The following CFH variants were observed in gnomAD, a reference collection of about 807,000 sequenced individuals.
The protein encoded by CFH is complement factor H.
In CFH, 53 loss-of-function variants were observed where a neutral mutation model predicts 147.3. That is an observed-to-expected ratio of 0.36 (90% CI 0.29 to 0.45). The LOEUF (loss-of-function observed/expected upper bound fraction) is 0.45. CFH is among the 20% of genes least tolerant of loss of function. The pLI is 1.00. For missense variants in CFH, 1,380 were observed against 1,498.0 expected, an observed-to-expected ratio of 0.92 and a Z score of 1.30; for synonymous variants, 536 against 489.4, an observed-to-expected ratio of 1.10 and a Z score of -1.26.
intron 1 of CFH, among the ~76,000 whole-genome samples, chr1:196,662,430 G>A (rs575353266): frequency 6.6e-6 from 1 of 152,126 alleles, no homozygotes; most frequent in South Asian, 2.1e-4. Flanking sequence ...TTATTTTATA[G>A]TCAGTATTCA....
intron 5 of CFH, chr1:196,678,251 G>A (rs1667524506): frequency 6.5e-6 from 1 of 153,416 alleles, no homozygotes; most frequent in East Asian, 1.9e-4. Flanking sequence ...ATAAATTGTT[G>A]CCTCTTAAAA....
chr1:196,657,827 GAAT>G (rs146964454), intron 1 of CFH, among the ~76,000 whole-genome samples: 6,765 of 151,990 alleles, frequency 0.045, 416 homozygotes, highest in African/African-American at 0.13. Flanking sequence ...TAGAAAAATA[GAAT>G]AATTGAACAA....
chr1:196,658,632 T>C (rs1158517085), intron 1 of CFH, among the ~76,000 whole-genome samples: 1 of 151,996 alleles, frequency 6.6e-6, no homozygotes, highest in African/African-American at 2.4e-5. Flanking sequence ...TTAGTCAGGA[T>C]GGTCTGGATC....
At chr1:196,703,400 G>T (rs2149097353) in intron 9 of CFH, among the ~76,000 whole-genome samples, 1 of 152,280 alleles carries the variant, frequency 6.6e-6, no homozygotes, top group South Asian at 2.1e-4. Context: ...TGGGATAGCT[G>T]GGGAGCTTGA....
intron 1 of CFH, among the ~76,000 whole-genome samples, chr1:196,667,345 T>C (rs1427629238): frequency 6.6e-6 from 1 of 152,198 alleles, no homozygotes; most frequent in Non-Finnish European, 1.5e-5. Context: ...TTGGCTCCTA[T>C]GAGTCAGTAT....
At chr1:196,699,819 TAAG>T in intron 9 of CFH, among the ~76,000 whole-genome samples, 1 of 152,302 alleles carries the variant, frequency 6.6e-6, no homozygotes, top group Middle Eastern at 3.4e-3. Flanking sequence ...TAAAAACAGT[TAAG>T]GAGGAAAAAG....
chr1:196,661,086 G>T (rs944822601), intron 1 of CFH, among the ~76,000 whole-genome samples: 2 of 152,100 alleles, frequency 1.3e-5, no homozygotes, highest in Non-Finnish European at 2.9e-5. Flanking sequence ...AGGGGCCGGG[G>T]ATTGTGTTGT....
chr1:196,721,872 G>T (rs1669007795), intron 11 of CFH, among the ~76,000 whole-genome samples: 1 of 150,556 alleles, frequency 6.6e-6, no homozygotes, highest in South Asian at 2.1e-4. Context: ...TATACCAAAT[G>T]CTTTTTGTTT....
intron 9 of CFH, 123 bp from the exon 10 acceptor site, chr1:196,713,611 CT>C: frequency 1.5e-6 from 1 of 664,060 alleles, no homozygotes. Context: ...TATTTGAATG[CT>C]TATGGTTATC....
intron 9 of CFH, among the ~76,000 whole-genome samples, chr1:196,702,796 A>G (rs964799470): frequency 1.3e-5 from 2 of 152,180 alleles, no homozygotes; most frequent in African/African-American, 4.8e-5. Context: ...AACCTTGAAC[A>G]CTATCAAAAC....
intron 1 of CFH, among the ~76,000 whole-genome samples, chr1:196,659,084 A>T (rs1473850919): frequency 7.0e-6 from 1 of 142,388 alleles, no homozygotes; most frequent in Non-Finnish European, 1.5e-5. Flanking sequence ...TTTTAAGATA[A>T]ATCACATCTC....
chr1:196,692,876 C>CACCTACCTACCTACCT (rs1425200451), intron 9 of CFH, among the ~76,000 whole-genome samples: 422 of 26,382 alleles, frequency 0.016, 49 homozygotes, highest in African/African-American at 0.11. Context: ...CTCCCTCTGT[C>CACCTACCTACCTACCT]ACCTCCCTCC....
rs3766403 is a variant in CFH at position 196,677,432 on chromosome 1, A to T, written c.428-44A>T. ...TACATACACATATTTTTCACAATAAACTTTTAAAATTCCATTAGAAAACAT... is the reference window on the plus strand; with the variant it reads ...TACATACACATATTTTTCACAATAATCTTTTAAAATTCCATTAGAAAACAT... On this transcript the variant is annotated intron_variant, in intron 4 of 21. Coordinates refer to ENST00000367429, the MANE Select transcript of CFH (RefSeq NM_000186.4). 9.9e-5 allele frequency: 155 copies of T among 1,564,900 alleles called. 2 individuals carry two copies. The East Asian group carries it at 3.1e-3, about 31-fold the overall frequency.
intron 1 of CFH, among the ~76,000 whole-genome samples, chr1:196,654,136 T>A (rs1294544830): frequency 6.6e-6 from 1 of 151,600 alleles, no homozygotes; most frequent in Non-Finnish European, 1.5e-5. Context: ...TTGCTTCTGT[T>A]TATATTTTCC....
At chr1:196,715,966 A>G (rs1668860600) in intron 11 of CFH, among the ~76,000 whole-genome samples, 197 bp downstream of exon 11, 1 of 152,226 alleles carries the variant, frequency 6.6e-6, no homozygotes, top group Admixed American at 6.6e-5. Context: ...AATACTTCCT[A>G]TGGGCCACCT....
intron 7 of CFH, among the ~76,000 whole-genome samples, chr1:196,685,924 A>T (rs960809436): frequency 4.6e-5 from 7 of 152,120 alleles, no homozygotes; most frequent in Non-Finnish European, 7.4e-5. Context: ...TTATGAAGAA[A>T]AGAGGTTAAA....
At chr1:196,693,185 T>C (rs910162833) in intron 9 of CFH, among the ~76,000 whole-genome samples, 30 of 152,164 alleles carry the variant, frequency 2.0e-4, no homozygotes, top group African/African-American at 6.7e-4. Flanking sequence ...GTTGTGAGAA[T>C]ATGCAGAAAA....
chr1:196,673,480 G>T (rs773360544), intron 2 of CFH: 10 of 385,892 alleles, frequency 2.6e-5, no homozygotes, highest in African/African-American at 4.2e-5. Context: ...GGGACTATAG[G>T]CACGTGCCAC....
chr1:196,687,961 T>G (rs139404247), intron 7 of CFH, among the ~76,000 whole-genome samples: 8 of 151,860 alleles, frequency 5.3e-5, no homozygotes, highest in African/African-American at 1.9e-4. Context: ...ATTATTCAGT[T>G]TATAATCCAC....
Sources: allele counts gnomAD v4.1 joint callset (sites outside exome capture counted in the v4.1 genomes callset), GRCh38; gene constraint gnomAD v4.1.1; transcripts MANE v1.5; gene names NCBI Gene and HGNC (gene_info 2026-07-23, HGNC 2026-07-21).